Variants in AP2M1 observed in about 807,000 individuals in gnomAD.
AP2M1 encodes adaptor related protein complex 2 subunit mu 1, also known as AP-2 complex subunit mu.
AP2M1 carries 5 observed loss-of-function variants against 54.5 expected under a neutral mutation model. That is an observed-to-expected ratio of 0.09 (90% CI 0.05 to 0.19). AP2M1 has a LOEUF of 0.19. AP2M1 is among the 10% of genes least tolerant of loss of function. The probability of loss-of-function intolerance (pLI) is 1.00; values close to 1 mark genes in which losing one functional copy is unlikely to be tolerated. For missense variants in AP2M1, 178 were observed against 580.2 expected (o/e 0.31, Z 7.12); for synonymous variants, 186 against 208.2 (o/e 0.89, Z 0.92).
chr3:184,178,710 C>T lies in AP2M1; in HGVS notation c.75-147C>T. The stretch of plus-strand genomic sequence containing the variant: ...AGGGAGTCATAAGAAGGGAACCACT[C>T]CAGTGGTTTAGGCATTGGCTTTCTT... On this transcript the variant is annotated intron_variant, in intron 2 of 11. Coordinates refer to ENST00000292807, the MANE Select transcript of AP2M1 (RefSeq NM_004068.4). The surrounding 1 kb of genome is among the most constrained non-coding windows in gnomAD (Gnocchi z 4.9). 9.7e-7 allele frequency: 1 copy of T among 1,026,054 alleles called. No individual in the cohort carries two copies. Among genetic ancestry groups the T allele is most frequent in the Non-Finnish European group, 1.4e-6 (1 of 710,896 alleles). 63.6% of individuals were successfully genotyped at this position (1,026,054 alleles called of 1,614,324 possible). A position where few individuals can be genotyped will look rare whatever the true frequency, so the allele number is the denominator to read the frequency against.
Position 184,179,219 on chromosome 3 carries a change from A to G in AP2M1, c.340+97A>G, listed in dbSNP as rs1715189445. The G allele has an allele frequency of 9.7e-6, 14 of 1,444,774 alleles. No individual in the cohort carries two copies. The South Asian group carries it at 1.7e-4, about 18-fold the overall frequency. The allele number at this position is 1,444,774 out of a possible 1,614,324, so 89.5% of individuals were successfully genotyped here. A position where few individuals can be genotyped will look rare whatever the true frequency, so the allele number is the denominator to read the frequency against. ...GGGTGTAGGTCCGAGGCTCTGGTAC[A>G]CTCTGAACTTTCTTTCCTGAGTATT... On this transcript the variant is annotated intron_variant, in intron 3 of 11. Coordinates refer to ENST00000292807, the MANE Select transcript of AP2M1 (RefSeq NM_004068.4).
At position 184,180,090 on chromosome 3, in the gene AP2M1, C is replaced by G; in HGVS notation, c.341-79C>G. On this transcript the variant is annotated intron_variant, in intron 3 of 11. Coordinates refer to ENST00000292807, the MANE Select transcript of AP2M1 (RefSeq NM_004068.4). The surrounding 1 kb of genome is among the most constrained non-coding windows in gnomAD (Gnocchi z 4.9). ...CCCACATGGGCTTTGGGAGCTGTGC[C>G]GGTCAGATGTGTAGGCCCAAGTAGG... 7.3e-7 allele frequency: 1 copy of G among 1,365,510 alleles called. No individual in the cohort carries two copies. The allele number at this position is 1,365,510 out of a possible 1,614,324, so 84.6% of individuals were successfully genotyped here. A position where few individuals can be genotyped will look rare whatever the true frequency, so the allele number is the denominator to read the frequency against.
chr3:184,181,547 C>A lies in AP2M1; in HGVS notation c.708-149C>A. 1.7e-6 allele frequency: 2 copies of A among 1,158,192 alleles called. No homozygotes were observed. Among genetic ancestry groups the A allele is most frequent in the Non-Finnish European group, 2.4e-6 (2 of 823,634 alleles). The allele number at this position is 1,158,192 out of a possible 1,614,324, so 71.7% of individuals were successfully genotyped here. A position where few individuals can be genotyped will look rare whatever the true frequency, so the allele number is the denominator to read the frequency against. ...TGAGCTTGCAAGGCTTCCCTCTCAT[C>A]CCAAGCTCTGGGGCAGACCTCCGAG... is the stretch of plus-strand genomic sequence containing the variant. On this transcript the variant is annotated intron_variant, in intron 7 of 11. Coordinates refer to ENST00000292807, the MANE Select transcript of AP2M1 (RefSeq NM_004068.4). This position sits in a 1 kb window ranked among gnomAD's most constrained non-coding sequence, Gnocchi z 5.7.
intron 2 of AP2M1, 114 bp downstream of exon 2, chr3:184,177,181 C>G (rs142388295): frequency 1.9e-6 from 2 of 1,057,494 alleles, no homozygotes; most frequent in East Asian, 5.2e-5. Context: ...TGACCCCTGG[C>G]TGCACCCTGG....
chr3:184,177,749 T>G (rs562060275), intron 2 of AP2M1: 4 of 833,144 alleles, frequency 4.8e-6, no homozygotes, highest in Non-Finnish European at 7.4e-6. Flanking sequence ...TTGCACGCCC[T>G]TGTTCTTTGC....
Position 184,182,693 on chromosome 3 carries a change from T to C in AP2M1, c.1062-64T>C. The C allele has an allele frequency of 6.9e-7, 1 of 1,449,448 alleles. No homozygotes were observed. The highest frequency in any genetic ancestry group is 9.6e-7 in the Non-Finnish European group (1 of 1,038,380). The allele number at this position is 1,449,448 out of a possible 1,614,324, so 89.8% of individuals were successfully genotyped here. ...TCCTGGGCTCTCTCCTTGCTTGAAATGGGCAACTGCCCTTGAAACTCCTCC... is the reference window on the plus strand; with the variant it reads ...TCCTGGGCTCTCTCCTTGCTTGAAACGGGCAACTGCCCTTGAAACTCCTCC... On this transcript the variant is annotated intron_variant, in intron 10 of 11. Transcript: ENST00000292807. This position sits in a 1 kb window ranked among gnomAD's most constrained non-coding sequence, Gnocchi z 5.5.
chr3:184,182,956 G>A lies in AP2M1; in HGVS notation c.1173+88G>A. 9.8e-6 allele frequency: 11 copies of A among 1,120,186 alleles called. No homozygotes were observed. Among genetic ancestry groups the A allele is most frequent in the Non-Finnish European group, 1.5e-5 (11 of 748,902 alleles). 69.4% of individuals were successfully genotyped at this position (1,120,186 alleles called of 1,614,324 possible). A position where few individuals can be genotyped will look rare whatever the true frequency, so the allele number is the denominator to read the frequency against. On this transcript the variant is annotated intron_variant, in intron 11 of 11. Coordinates refer to ENST00000292807, the MANE Select transcript of AP2M1 (RefSeq NM_004068.4). The surrounding 1 kb of genome is among the most constrained non-coding windows in gnomAD (Gnocchi z 5.5). ...TCCGATAAACTGCTGCACCTTAGAG[G>A]TGAGGAAACTGAGGCCTAGAAAGAA...
intron 3 of AP2M1, among the ~76,000 whole-genome samples, chr3:184,179,653 A>C (rs1013538549): frequency 7.6e-5 from 10 of 131,396 alleles, no homozygotes; most frequent in African/African-American, 2.8e-4. Context: ...TCTTCTATTG[A>C]TTTCTTTTCT....
Position 184,178,168 on chromosome 3 carries a change from CTCT to C in AP2M1, c.75-684_75-682del, listed in dbSNP as rs749522027. 177 of 1,530,000 alleles carry C rather than the reference CTCT, an allele frequency of 1.2e-4. No homozygotes were observed. The highest frequency in any genetic ancestry group is 7.8e-4 in the East Asian group (32 of 40,890). The allele number at this position is 1,530,000 out of a possible 1,614,324, so 94.8% of individuals were successfully genotyped here. On this transcript the variant is annotated intron_variant, in intron 2 of 11. Transcript: ENST00000292807. This position sits in a 1 kb window ranked among gnomAD's most constrained non-coding sequence, Gnocchi z 4.9. ...CCTCTCTCTCGTTGCTATCACTCTC[CTCT>C]TCTTGCTGGCGTCATTTCTCTCATC...
Position 184,178,106 on chromosome 3 carries a change from G to C in AP2M1, c.75-751G>C, listed in dbSNP as rs748366567. On this transcript the variant is annotated intron_variant, in intron 2 of 11. Coordinates refer to ENST00000292807, the MANE Select transcript of AP2M1 (RefSeq NM_004068.4). This position sits in a 1 kb window ranked among gnomAD's most constrained non-coding sequence, Gnocchi z 4.9. Reference sequence around the variant, plus strand: ...CCTGTCTTGTCTGCTTCTGCCTCACGGTGTGTGCCGCCCTCCCGGTGTGTT... The same window carrying C: ...CCTGTCTTGTCTGCTTCTGCCTCACCGTGTGTGCCGCCCTCCCGGTGTGTT... 1.4e-5 allele frequency: 18 copies of C among 1,308,060 alleles called. No individual in the cohort carries two copies. Among genetic ancestry groups the C allele is most frequent in the Non-Finnish European group, 1.7e-5 (16 of 943,758 alleles). The allele number at this position is 1,308,060 out of a possible 1,614,324, so 81.0% of individuals were successfully genotyped here. A position where few individuals can be genotyped will look rare whatever the true frequency, so the allele number is the denominator to read the frequency against.
In AP2M1 at chr3:184,180,580, T is replaced by A; in HGVS notation, c.424-65T>A. ...CCTCTAGGATCCAAGCCTCATAGCT[T>A]TCTCCTCCTTTTCTGCCTCCCTTGC... On this transcript the variant is annotated intron_variant, in intron 4 of 11. Transcript: ENST00000292807. This position sits in a 1 kb window ranked among gnomAD's most constrained non-coding sequence, Gnocchi z 4.9. 1.2e-6 allele frequency: 2 copies of A among 1,612,028 alleles called. No homozygotes were observed. Among genetic ancestry groups the A allele is most frequent in the Non-Finnish European group, 1.7e-6 (2 of 1,179,686 alleles).
In AP2M1 at chr3:184,180,492, G is replaced by T. The variant is rs1382475192; in HGVS notation, c.424-153G>T. 14 of 1,259,964 alleles carry T rather than the reference G, an allele frequency of 1.1e-5. No individual in the cohort carries two copies. Among genetic ancestry groups the T allele is most frequent in the East Asian group, 2.3e-5 (1 of 43,052 alleles). 78.0% of individuals were successfully genotyped at this position (1,259,964 alleles called of 1,614,324 possible). ...AAGCAGTTTCCTTTTGCACTGAGGG[G>T]TGGGGGAGGAGGCCTGGTCTTGAGG... On this transcript the variant is annotated intron_variant, in intron 4 of 11. Coordinates refer to ENST00000292807, the MANE Select transcript of AP2M1 (RefSeq NM_004068.4). This position sits in a 1 kb window ranked among gnomAD's most constrained non-coding sequence, Gnocchi z 4.9.
In AP2M1 at chr3:184,183,042, A is replaced by G. The variant is rs531975285; in HGVS notation, c.1173+174A>G. 23 of 687,186 alleles carry G rather than the reference A, an allele frequency of 3.3e-5. No individual in the cohort carries two copies. In the Admixed American group the frequency reaches 3.9e-4, roughly 12 times the overall value. The allele number at this position is 687,186 out of a possible 1,614,324, so 42.6% of individuals were successfully genotyped here. A position where few individuals can be genotyped will look rare whatever the true frequency, so the allele number is the denominator to read the frequency against. On this transcript the variant is annotated intron_variant, in intron 11 of 11. Transcript: ENST00000292807. The surrounding 1 kb of genome is among the most constrained non-coding windows in gnomAD (Gnocchi z 5.7). ...TTCAAGCCTCTTAGTAGAAATTACT[A>G]TTTGTGATGAGGCAAATCTTTTACT...
At position 184,183,651 on chromosome 3, in the gene AP2M1, CCCT is replaced by C. The variant is rs1422775475; in HGVS notation, c.*41_*43del. 6.2e-7 allele frequency: 1 copy of C among 1,608,452 alleles called. No homozygotes were observed. Among genetic ancestry groups the C allele is most frequent in the Admixed American group, 1.7e-5 (1 of 59,070 alleles). On this transcript the variant is annotated 3_prime_UTR_variant, in exon 12 of 12. Coordinates refer to ENST00000292807, the MANE Select transcript of AP2M1 (RefSeq NM_004068.4). This position sits in a 1 kb window ranked among gnomAD's most constrained non-coding sequence, Gnocchi z 5.7. ...GGCAGCTAGCCCACCTCCCCAGCCACCCTCCTCCACAGGTCCAGGTGCCGCTCC... is the reference window on the plus strand; with the variant it reads ...GGCAGCTAGCCCACCTCCCCAGCCACCCTCCACAGGTCCAGGTGCCGCTCC...
Position 184,178,123 on chromosome 3 carries a change from C to A in AP2M1, c.75-734C>A. ...TGCCTCACGGTGTGTGCCGCCCTCC[C>A]GGTGTGTTGTGTGTCTAACCCTCTC... On this transcript the variant is annotated intron_variant, in intron 2 of 11. Transcript: ENST00000292807. The surrounding 1 kb of genome is among the most constrained non-coding windows in gnomAD (Gnocchi z 4.9). 7.1e-7 allele frequency: 1 copy of A among 1,417,016 alleles called. No homozygotes were observed. Among genetic ancestry groups the A allele is most frequent in the South Asian group, 1.2e-5 (1 of 81,644 alleles). 87.8% of individuals were successfully genotyped at this position (1,417,016 alleles called of 1,614,324 possible).
intron 1 of AP2M1, among the ~76,000 whole-genome samples, chr3:184,176,542 A>G (rs367640405): frequency 3.2e-4 from 49 of 152,264 alleles, no homozygotes; most frequent in Middle Eastern, 3.4e-3. Context: ...GCCTGAACCA[A>G]CTGGAGTAAT....
Position 184,182,787 on chromosome 3 carries a change from G to T in AP2M1, c.1092G>T (p.Ser364=). ...KIKRMAGMKE[S]QISAEIELLP... ...AGCGCATGGCAGGCATGAAGGAATC[G>T]CAGATCAGCGCAGAGATTGAGCTTC... The change falls in exon 11 of 12, where the codon TCG becomes TCT. Residue 364 remains serine (S), a synonymous_variant. Coordinates refer to ENST00000292807, the MANE Select transcript of AP2M1 (RefSeq NM_004068.4). This position sits in a 1 kb window ranked among gnomAD's most constrained non-coding sequence, Gnocchi z 5.5. The T allele has an allele frequency of 6.2e-7, 1 of 1,614,074 alleles. No homozygotes were observed. Among genetic ancestry groups the T allele is most frequent in the Non-Finnish European group, 8.5e-7 (1 of 1,179,998 alleles).
chr3:184,180,060 A>G lies in AP2M1; in HGVS notation c.341-109A>G. On this transcript the variant is annotated intron_variant, in intron 3 of 11. Coordinates refer to ENST00000292807, the MANE Select transcript of AP2M1 (RefSeq NM_004068.4). This position sits in a 1 kb window ranked among gnomAD's most constrained non-coding sequence, Gnocchi z 4.9. ...ACAAAGCTAGAAGACTTTCTTGCGG[A>G]TGATCCCACATGGGCTTTGGGAGCT... 1.1e-6 allele frequency: 1 copy of G among 930,120 alleles called. No homozygotes were observed. The allele number at this position is 930,120 out of a possible 1,614,324, so 57.6% of individuals were successfully genotyped here.
intron 2 of AP2M1, chr3:184,177,995 A>C: frequency 1.5e-6 from 1 of 650,690 alleles, no homozygotes; most frequent in Non-Finnish European, 2.8e-6. Context: ...GGCCTGTCTG[A>C]ACCTGGCTGG....
Sources: allele counts gnomAD v4.1 joint callset (sites outside exome capture counted in the v4.1 genomes callset), GRCh38; gene constraint gnomAD v4.1.1; non-coding constraint Gnocchi (gnomAD v3.1); transcripts MANE v1.5; gene names NCBI Gene and HGNC (gene_info 2026-07-23, HGNC 2026-07-21).